Variants in TENM2 observed in about 807,000 individuals in gnomAD.
TENM2 encodes teneurin-2.
In TENM2, 52 loss-of-function variants were observed where a neutral mutation model predicts 245.2. That is an observed-to-expected ratio of 0.21 (90% confidence interval 0.17 to 0.27). The LOEUF is 0.27. TENM2 is among the 10% of genes least tolerant of loss of function. The pLI, the probability that TENM2 is intolerant of heterozygous loss-of-function variation, is 1.00. For missense variants in TENM2, 3,046 were observed against 3,666.8 expected, an observed-to-expected ratio of 0.83 and a Z score of 4.37; for synonymous variants, 1,363 against 1,438.9, an observed-to-expected ratio of 0.95 and a Z score of 1.19.
chr5:168,220,279 T>C (rs1321341097), intron 23 of TENM2, among the ~76,000 whole-genome samples: 2 of 152,142 alleles, frequency 1.3e-5, no homozygotes, highest in African/African-American at 4.8e-5. Context: ...AGAAACAATT[T>C]GTTGGCTCTC....
intron 12 of TENM2, among the ~76,000 whole-genome samples, chr5:168,157,459 G>A (rs1041580003): frequency 4.6e-5 from 7 of 152,134 alleles, no homozygotes; most frequent in African/African-American, 1.2e-4. Context: ...AGGAGGTTTC[G>A]ACAAGCATCT....
chr5:167,645,471 T>TC (rs1357995974), intron 2 of TENM2, among the ~76,000 whole-genome samples: 8 of 151,198 alleles, frequency 5.3e-5, no homozygotes, highest in Non-Finnish European at 8.9e-5. Flanking sequence ...CACCAGAAAA[T>TC]CCCCCTCAAT....
At chr5:167,781,660 C>T (rs1764196716) in intron 2 of TENM2, among the ~76,000 whole-genome samples, 2 of 152,158 alleles carry the variant, frequency 1.3e-5, no homozygotes, top group African/African-American at 4.8e-5. Flanking sequence ...CTATAGGCCT[C>T]GTAGAGTTTA....
At chr5:167,726,194 G>A (rs1759993092) in intron 2 of TENM2, among the ~76,000 whole-genome samples, 1 of 151,938 alleles carries the variant, frequency 6.6e-6, no homozygotes. Context: ...TAAATCAAAT[G>A]CCTCTGAAAA....
intron 6 of TENM2, 101 bp downstream of exon 8, chr5:168,047,650 CAAAAGA>C: frequency 7.3e-7 from 1 of 1,375,298 alleles, no homozygotes; most frequent in Non-Finnish European, 9.8e-7. Context: ...GAAGGTATGC[CAAAAGA>C]AAAAGAAACG....
intron 2 of TENM2, among the ~76,000 whole-genome samples, chr5:167,816,274 T>C (rs1305154202): frequency 6.6e-6 from 1 of 152,112 alleles, no homozygotes; most frequent in Non-Finnish European, 1.5e-5. Flanking sequence ...CTCTACCTGC[T>C]TCTTTCTTGG....
At chr5:168,235,567 GA>G (rs908849140) in intron 25 of TENM2, among the ~76,000 whole-genome samples, 1 of 152,222 alleles carries the variant, frequency 6.6e-6, no homozygotes, top group African/African-American at 2.4e-5. Context: ...AGCACTTTGG[GA>G]GGCCCAGACG....
intron 2 of TENM2, among the ~76,000 whole-genome samples, chr5:167,496,327 A>C (rs899930268): frequency 1.3e-5 from 2 of 152,022 alleles, no homozygotes; most frequent in Non-Finnish European, 2.9e-5. Flanking sequence ...TTCAACTCTG[A>C]TGTTTACTTC....
chr5:168,003,976 A>G (rs1223417499), intron 5 of TENM2, among the ~76,000 whole-genome samples: 3 of 152,208 alleles, frequency 2.0e-5, no homozygotes, highest in Non-Finnish European at 4.4e-5. Flanking sequence ...ATCTCCACGT[A>G]ATTCAGCTAC....
At chr5:168,089,634 A>AC (rs1335257928) in intron 7 of TENM2, among the ~76,000 whole-genome samples, 2 of 152,146 alleles carry the variant, frequency 1.3e-5, no homozygotes, top group Non-Finnish European at 2.9e-5. Flanking sequence ...ATGAACATAA[A>AC]CACCAAGCCA....
intron 9 of TENM2, among the ~76,000 whole-genome samples, chr5:168,112,610 G>C (rs2244626): frequency 7.7e-6 from 1 of 130,410 alleles, no homozygotes; most frequent in African/African-American, 2.8e-5. Flanking sequence ...AGTGGGCGGG[G>C]GGGGGGTCAA....
chr5:168,090,504 G>T (rs937528344), intron 7 of TENM2, 70 bp from the exon 10 acceptor site: 22 of 1,382,370 alleles, frequency 1.6e-5, no homozygotes, highest in Non-Finnish European at 6.9e-6. Context: ...TGGGTTCGGG[G>T]GGAAGGTACC....
intron 7 of TENM2, among the ~76,000 whole-genome samples, chr5:168,082,572 T>C (rs1792100287): frequency 6.6e-6 from 1 of 152,142 alleles, no homozygotes; most frequent in Non-Finnish European, 1.5e-5. Flanking sequence ...TTGTGGTTTT[T>C]GGTCTTTGAT....
At chr5:167,572,602 T>C (rs1411879383) in intron 2 of TENM2, among the ~76,000 whole-genome samples, 2 of 152,162 alleles carry the variant, frequency 1.3e-5, no homozygotes, top group Admixed American at 1.3e-4. Context: ...TAGTTGACCT[T>C]GGAACCAGCA....
chr5:167,588,077 G>A (rs1775624515), intron 2 of TENM2, among the ~76,000 whole-genome samples: 1 of 152,216 alleles, frequency 6.6e-6, no homozygotes, highest in African/African-American at 2.4e-5. Context: ...TCTGTTGAAA[G>A]TGAGTGATAT....
At position 167,488,309 on chromosome 5, in the gene TENM2, C is replaced by T. The variant is rs558546003; in HGVS notation, c.502+112836C>T. Among the ~76,000 whole-genome samples, 12 of 152,320 alleles carry T rather than the reference C, an allele frequency of 7.9e-5. No individual in the cohort carries two copies. The East Asian group carries it at 2.1e-3, about 27-fold the overall frequency. On this transcript the variant is annotated intron_variant, in intron 2 of 28. Transcript: ENST00000518659. Reference sequence around the variant, plus strand: ...ATGTCTTGAAATCATTGTCTACATTCACTGTCTCTTGAAACACACTCCAGT... The same window carrying T: ...ATGTCTTGAAATCATTGTCTACATTTACTGTCTCTTGAAACACACTCCAGT...
chr5:167,418,788 A>G (rs962085972), intron 2 of TENM2, among the ~76,000 whole-genome samples: 2 of 152,186 alleles, frequency 1.3e-5, no homozygotes, highest in Admixed American at 6.5e-5. Context: ...TATATTTTGA[A>G]AAGCCAAGGA....
chr5:167,564,538 G>T (rs1346074287), intron 2 of TENM2, among the ~76,000 whole-genome samples: 1 of 152,196 alleles, frequency 6.6e-6, no homozygotes, highest in African/African-American at 2.4e-5. Context: ...GAAATAATCA[G>T]CAGGGGATGT....
the TENM2 span, among the ~76,000 whole-genome samples, chr5:167,040,317 T>C: frequency 6.6e-6 from 1 of 152,098 alleles, no homozygotes; most frequent in African/African-American, 2.4e-5. Flanking sequence ...TTGATGTAAA[T>C]CTTGAATTTG....
Sources: allele counts gnomAD v4.1 joint callset (sites outside exome capture counted in the v4.1 genomes callset), GRCh38; gene constraint gnomAD v4.1.1; transcripts MANE v1.5; gene names NCBI Gene and HGNC (gene_info 2026-07-23, HGNC 2026-07-21).